Variants in RDX observed in about 807,000 individuals in gnomAD.
RDX encodes the protein deafness, autosomal recessive 24.
In RDX, 32 loss-of-function variants were observed where a neutral mutation model predicts 83.7. The ratio of observed to expected loss-of-function variants is 0.38; its 90% confidence interval spans 0.29 to 0.51. The LOEUF (loss-of-function observed/expected upper bound fraction) is 0.51, where lower values mean the gene tolerates loss of function less well. RDX is among the 20% of genes least tolerant of loss of function. The pLI, the probability that RDX is intolerant of heterozygous loss-of-function variation, is 0.87. For missense variants in RDX, 600 were observed against 689.9 expected (o/e 0.87, Z 1.46); for synonymous variants, 229 against 222.7 (o/e 1.03, Z -0.25).
chr11:110,259,252 T>C (rs1421163965), intron 5 of RDX, among the ~76,000 whole-genome samples: 1 of 152,202 alleles, frequency 6.6e-6, no homozygotes, highest in East Asian at 1.9e-4. Context: ...ACAAACATTA[T>C]ATTCTACTAC....
intron 1 of RDX, among the ~76,000 whole-genome samples, chr11:110,284,739 G>A (rs1438237821): frequency 6.6e-6 from 1 of 151,904 alleles, no homozygotes; most frequent in Non-Finnish European, 1.5e-5. Context: ...TAGCCAGGAT[G>A]GTCTCGATCT....
chr11:110,228,087 T>G (rs1399706424), downstream of RDX, among the ~76,000 whole-genome samples: 1 of 152,082 alleles, frequency 6.6e-6, no homozygotes, highest in Non-Finnish European at 1.5e-5. Flanking sequence ...AGTTCTTATA[T>G]CTTGATACAT....
intron 2 of RDX, among the ~76,000 whole-genome samples, chr11:110,273,811 T>C (rs1437397445): frequency 6.6e-5 from 10 of 152,250 alleles, no homozygotes; most frequent in Admixed American, 5.9e-4. Context: ...TCTAACAATC[T>C]TTACTTTTCC....
intron 1 of RDX, among the ~76,000 whole-genome samples, chr11:110,280,138 C>T (rs888381626): frequency 6.6e-6 from 1 of 152,126 alleles, no homozygotes; most frequent in Non-Finnish European, 1.5e-5. Flanking sequence ...TGGATTCAGA[C>T]TCTGAAGAGC....
chr11:110,272,702 G>A, intron 2 of RDX, 83 bp from the exon 3 acceptor site: 1 of 908,606 alleles, frequency 1.1e-6, no homozygotes, highest in Non-Finnish European at 1.7e-6. Flanking sequence ...TTATTAAAGT[G>A]ATAAAGTTTT....
chr11:110,227,408 G>A (rs1350654555), downstream of RDX, among the ~76,000 whole-genome samples: 2 of 151,912 alleles, frequency 1.3e-5, no homozygotes, highest in Non-Finnish European at 2.9e-5. Context: ...CAAACTAAAT[G>A]GCATGCATAA....
rs114314010 is a variant in RDX at position 110,188,404 on chromosome 11, C to T, written c.*31+11177G>A. Among the ~76,000 whole-genome samples, 1,457 of 151,782 alleles carry T rather than the reference C, an allele frequency of 9.6e-3. 28 individuals carry two copies. The highest frequency in any genetic ancestry group is 0.033 in the African/African-American group (1,384 of 41,350). The stretch of plus-strand genomic sequence containing the variant: ...ACCATTATTTTAAGTGAAATAACTC[C>T]GGAATGGAAAAGCGAACATCGTATG... On this transcript the variant is annotated intron_variant, in intron 15 of 15. Coordinates refer to the RDX transcript ENST00000528498.
At position 110,231,489 on chromosome 11, in the gene RDX, A is replaced by C. The variant is rs1362175471; in HGVS notation, c.*380T>G. The stretch of plus-strand genomic sequence containing the variant: ...ATGTGGAAATAGGTTAAATATGGAA[A>C]GGGCAAGGGAAACCCATTAAAATGT... On this transcript the variant is annotated 3_prime_UTR_variant, in exon 14 of 14. Transcript: ENST00000645495. The C allele has an allele frequency of 1.6e-5, 4 of 251,372 alleles. No individual in the cohort carries two copies. In the East Asian group the frequency reaches 2.8e-4, roughly 18 times the overall value. 15.6% of individuals were successfully genotyped at this position (251,372 alleles called of 1,614,324 possible).
At chr11:110,266,328 G>A (rs1297159321) in intron 3 of RDX, among the ~76,000 whole-genome samples, 3 of 151,200 alleles carry the variant, frequency 2.0e-5, no homozygotes, top group East Asian at 3.9e-4. Flanking sequence ...GCAAGACTCC[G>A]TCTCAAAAAA....
At chr11:110,269,628 T>TTGCATTTGAGTTCAAGGCAAGTTCATCAC (rs1262684526) in intron 3 of RDX, among the ~76,000 whole-genome samples, 9 of 152,194 alleles carry the variant, frequency 5.9e-5, no homozygotes, top group African/African-American at 2.2e-4. Flanking sequence ...TTTTCGATCC[T>TTGCATTTGAGTTCAAGGCAAGTTCATCAC]TGCATTTGAG....
chr11:110,256,092 T>C (rs1859536504), intron 7 of RDX, among the ~76,000 whole-genome samples: 1 of 152,180 alleles, frequency 6.6e-6, no homozygotes, highest in Non-Finnish European at 1.5e-5. Context: ...TTTCTGCCTT[T>C]TCATGTATTT....
chr11:110,289,979 A>AAAAAAAAAAAAAAAAAAAAACAAAC (rs1555049799), intron 1 of RDX, among the ~76,000 whole-genome samples: 1 of 144,620 alleles, frequency 6.9e-6, no homozygotes, highest in African/African-American at 2.7e-5. Flanking sequence ...AAAAAAAAAA[A>AAAAAAAAAAAAAAAAAAAAACAAAC]AAACAAGGGT....
chr11:110,260,529 C>T (rs1002381346), intron 5 of RDX, among the ~76,000 whole-genome samples: 1 of 152,210 alleles, frequency 6.6e-6, no homozygotes, highest in Non-Finnish European at 1.5e-5. Flanking sequence ...GCAACCTCCG[C>T]CTCCCGGGTT....
intron 10 of RDX, among the ~76,000 whole-genome samples, chr11:110,242,502 A>G (rs1865140338): frequency 6.6e-6 from 1 of 151,924 alleles, no homozygotes; most frequent in African/African-American, 2.4e-5. Context: ...ATTTTCTCTC[A>G]TAATAAAAAT....
intron 15 of RDX, among the ~76,000 whole-genome samples, chr11:110,176,233 T>C (rs1021153063): frequency 1.3e-5 from 2 of 151,878 alleles, no homozygotes; most frequent in African/African-American, 4.8e-5. Flanking sequence ...CCAGCCAATT[T>C]TTGTATTTTT....
At chr11:110,190,010 G>C (rs1170084627) in intron 15 of RDX, among the ~76,000 whole-genome samples, 1 of 152,158 alleles carries the variant, frequency 6.6e-6, no homozygotes, top group Non-Finnish European at 1.5e-5. Flanking sequence ...TTGAACCCAG[G>C]AGGCAGAGGA....
At chr11:110,256,985 T>C (rs1288680429) in intron 7 of RDX, among the ~76,000 whole-genome samples, 1 of 152,052 alleles carries the variant, frequency 6.6e-6, no homozygotes, top group Non-Finnish European at 1.5e-5. Flanking sequence ...ATTACTGGCA[T>C]AGACTTGCAT....
At chr11:110,225,318 G>A (rs1864395062), downstream of RDX, among the ~76,000 whole-genome samples, 2 of 152,014 alleles carry the variant, frequency 1.3e-5, no homozygotes, top group African/African-American at 2.4e-5. Flanking sequence ...TTCACAATGG[G>A]AAAAAAGATT....
intron 14 of RDX, among the ~76,000 whole-genome samples, chr11:110,209,666 G>T (rs1289399173): frequency 6.8e-6 from 1 of 147,644 alleles, no homozygotes; most frequent in East Asian, 2.1e-4. Context: ...GCCTCCTCAA[G>T]TGGGTCCCTG....
Sources: allele counts gnomAD v4.1 joint callset (sites outside exome capture counted in the v4.1 genomes callset), GRCh38; gene constraint gnomAD v4.1.1; transcripts MANE v1.5; gene names NCBI Gene and HGNC (gene_info 2026-07-23, HGNC 2026-07-21).